TBCA: variants seen among roughly 807,000 people sequenced by gnomAD.
TBCA encodes the protein tubulin-specific chaperone A.
Under a neutral mutation model 15.8 loss-of-function variants are expected in TBCA, and 6 were observed. That is an observed-to-expected ratio of 0.38 (90% confidence interval 0.21 to 0.75). The LOEUF (loss-of-function observed/expected upper bound fraction) is 0.75, where lower values mean the gene tolerates loss of function less well. Among genes scored for constraint, TBCA ranks in the 30% least tolerant of loss-of-function variants. TBCA has a pLI of 0.46. For synonymous variants in TBCA, 32 were observed against 42.3 expected (o/e 0.76, Z 0.94); for missense variants, 90 against 131.2 (o/e 0.69, Z 1.53).
At chr5:77,718,024 G>A (rs746992335) in intron 1 of TBCA, among the ~76,000 whole-genome samples, 2 of 151,998 alleles carry the variant, frequency 1.3e-5, no homozygotes, top group Non-Finnish European at 2.9e-5. Context: ...CAGCTACTCG[G>A]GAGGCTGAGG....
intron 1 of TBCA, among the ~76,000 whole-genome samples, chr5:77,727,432 T>C (rs1301842928): frequency 3.3e-5 from 5 of 152,170 alleles, no homozygotes; most frequent in African/African-American, 4.8e-5. Context: ...TAACGTTCCA[T>C]GTTCTGATGG....
intron 1 of TBCA, among the ~76,000 whole-genome samples, chr5:77,739,734 T>G (rs73768442): frequency 0.071 from 10,737 of 152,228 alleles, 522 homozygotes; most frequent in African/African-American, 0.14. Context: ...ATCTTCTTCT[T>G]TTGAACTACA....
chr5:77,770,289 T>A (rs1747875916), intron 1 of TBCA, among the ~76,000 whole-genome samples: 1 of 152,224 alleles, frequency 6.6e-6, no homozygotes, highest in African/African-American at 2.4e-5. Flanking sequence ...ATAATTTAAA[T>A]ACAGAACAAA....
chr5:77,702,606 A>G (rs1411442204), intron 2 of TBCA, among the ~76,000 whole-genome samples: 2 of 152,222 alleles, frequency 1.3e-5, no homozygotes, highest in African/African-American at 2.4e-5. Context: ...AGAACTATAC[A>G]TGCAAACACA....
At chr5:77,695,245 A>G (rs1220432138) in intron 2 of TBCA, among the ~76,000 whole-genome samples, 2 of 152,192 alleles carry the variant, frequency 1.3e-5, no homozygotes, top group African/African-American at 2.4e-5. Flanking sequence ...ATTATTACAG[A>G]TCAAGAATCC....
At chr5:77,762,415 T>C (rs1461288376) in intron 1 of TBCA, among the ~76,000 whole-genome samples, 1 of 152,302 alleles carries the variant, frequency 6.6e-6, no homozygotes, top group Non-Finnish European at 1.5e-5. Flanking sequence ...AAAATAGTAC[T>C]TTTTAATTGT....
intron 1 of TBCA, among the ~76,000 whole-genome samples, chr5:77,773,244 CG>C (rs1373449711): frequency 6.6e-6 from 1 of 152,140 alleles, no homozygotes; most frequent in African/African-American, 2.4e-5. Flanking sequence ...ATACTCTTTA[CG>C]GGAGCACTGT....
rs573048971 is a variant in TBCA at position 77,710,854 on chromosome 5, A to C, written c.54-2507T>G. ...GTTTTATTATCACTATCATTATATA[A>C]TCATGATCATTATTCAGAATATCAA... On this transcript the variant is annotated intron_variant, in intron 1 of 3. Coordinates refer to ENST00000380377, the MANE Select transcript of TBCA (RefSeq NM_004607.3). Among the ~76,000 whole-genome samples the C allele has an allele frequency of 1.1e-3, 171 of 152,338 alleles. 2 individuals carry two copies. Among genetic ancestry groups the C allele is most frequent in the African/African-American group, 3.9e-3 (164 of 41,584 alleles).
In TBCA at chr5:77,699,033, CA is replaced by C. The variant is rs71608119; in HGVS notation, c.160-5682del. On this transcript the variant is annotated intron_variant, in intron 2 of 3. Transcript: ENST00000380377. ...AAAACAATACCATTTGCAAGAGCAT[CA>C]AAAAAAAAAAAAAAAAAAAAAAAAG... Among the ~76,000 whole-genome samples the C allele has an allele frequency of 4.4e-3, 311 of 70,062 alleles. 1 individual carries two copies. The highest frequency in any genetic ancestry group is 0.033 in the Middle Eastern group (2 of 60). 46.0% of individuals were successfully genotyped at this position (70,062 alleles called of 152,430 possible).
chr5:77,740,208 T>C (rs1360250833), intron 1 of TBCA, among the ~76,000 whole-genome samples: 1 of 152,222 alleles, frequency 6.6e-6, no homozygotes, highest in Non-Finnish European at 1.5e-5. Flanking sequence ...CTGAACAGGA[T>C]AGCAGGGTAC....
At chr5:77,756,024 A>C (rs254389) in intron 1 of TBCA, among the ~76,000 whole-genome samples, 131,904 of 152,094 alleles carry the variant, frequency 0.87, 57,508 homozygotes, top group Non-Finnish European at 0.92. Context: ...ACAACAACAA[A>C]AAAAAAAACA....
chr5:77,702,025 G>A (rs1427566139), intron 2 of TBCA, among the ~76,000 whole-genome samples: 2 of 151,772 alleles, frequency 1.3e-5, no homozygotes, highest in Non-Finnish European at 2.9e-5. Flanking sequence ...AATAGACCTT[G>A]GGGACTCAGA....
At chr5:77,764,084 A>G (rs1022150244) in intron 1 of TBCA, among the ~76,000 whole-genome samples, 1 of 152,240 alleles carries the variant, frequency 6.6e-6, no homozygotes, top group Admixed American at 6.5e-5. Context: ...TTAGGGCTGA[A>G]TCCTATCAAC....
Position 77,692,874 on chromosome 5 carries a change from T to A in TBCA, c.246+392A>T, listed in dbSNP as rs1301866279. 2.6e-6 allele frequency: 3 copies of A among 1,149,830 alleles called. No homozygotes were observed. In the East Asian group the frequency reaches 1.6e-4, roughly 63 times the overall value. 71.2% of individuals were successfully genotyped at this position (1,149,830 alleles called of 1,614,324 possible). The stretch of plus-strand genomic sequence containing the variant: ...TTGAATGTGAAAGAATTCAAGATCC[T>A]TTTAATAAGATCCCAAATTCTTTTG... On this transcript the variant is annotated intron_variant, in intron 3 of 3. Transcript: ENST00000380377.
At chr5:77,693,660 G>T (rs570268409) in intron 2 of TBCA, 50 of 301,424 alleles carry the variant, frequency 1.7e-4, no homozygotes, top group Non-Finnish European at 2.8e-4. Context: ...TTAGCAGGGC[G>T]TGGTGGAGCA....
chr5:77,768,499 A>G (rs1452400457), intron 1 of TBCA, among the ~76,000 whole-genome samples: 1 of 152,222 alleles, frequency 6.6e-6, no homozygotes. Flanking sequence ...TATTGCAAGA[A>G]TATAGTAACT....
intron 1 of TBCA, among the ~76,000 whole-genome samples, chr5:77,716,130 A>G (rs530533502): frequency 6.6e-6 from 1 of 152,332 alleles, no homozygotes; most frequent in African/African-American, 2.4e-5. Context: ...CCTCTCCACA[A>G]TGTTTTTAAA....
chr5:77,768,352 G>A (rs769407723), intron 1 of TBCA, among the ~76,000 whole-genome samples: 33 of 152,018 alleles, frequency 2.2e-4, no homozygotes, highest in East Asian at 7.7e-4. Context: ...CCCATGTTCC[G>A]GCTAAGAAAA....
At chr5:77,726,298 T>C (rs1403290679) in intron 1 of TBCA, among the ~76,000 whole-genome samples, 1 of 152,222 alleles carries the variant, frequency 6.6e-6, no homozygotes, top group African/African-American at 2.4e-5. Context: ...TTAGTAAATG[T>C]GCACCCAGCA....
Sources: allele counts gnomAD v4.1 joint callset (sites outside exome capture counted in the v4.1 genomes callset), GRCh38; gene constraint gnomAD v4.1.1; transcripts MANE v1.5; gene names NCBI Gene and HGNC (gene_info 2026-07-23, HGNC 2026-07-21).